CEMIP2: variants seen among roughly 807,000 people sequenced by gnomAD.
The protein encoded by CEMIP2 is cell surface hyaluronidase CEMIP2.
In CEMIP2, 79 loss-of-function variants were observed where a neutral mutation model predicts 146.9. That is an observed-to-expected ratio of 0.54 (90% confidence interval 0.45 to 0.65). The LOEUF (loss-of-function observed/expected upper bound fraction) is 0.65. Among genes scored for constraint, CEMIP2 ranks in the 30% least tolerant of loss-of-function variants. The pLI is 0.00. For synonymous variants in CEMIP2, 601 were observed against 606.3 expected, an observed-to-expected ratio of 0.99 and a Z score of 0.13; for missense variants, 1,596 against 1,696.2, an observed-to-expected ratio of 0.94 and a Z score of 1.04.
chr9:71,699,034 TAAAAAAA>T (rs34810834), intron 19 of CEMIP2, among the ~76,000 whole-genome samples: 1 of 132,860 alleles, frequency 7.5e-6, no homozygotes, highest in African/African-American at 2.8e-5. Context: ...CTGAGAGCAT[TAAAAAAA>T]AAAAAAAAAA....
In CEMIP2 at chr9:71,704,747, C is replaced by T; in HGVS notation, c.3042G>A (p.Glu1014=). 5 of 1,614,150 alleles carry T rather than the reference C, an allele frequency of 3.1e-6. No individual in the cohort carries two copies. Among genetic ancestry groups the T allele is most frequent in the Non-Finnish European group, 4.2e-6 (5 of 1,180,022 alleles). The change falls in exon 18 of 24, where the codon GAG becomes GAA. Residue 1014 remains glutamate (E), a synonymous_variant. Transcript: ENST00000377044. ...GGAGCACCATAGGGTTGGACGGATA[C>T]TCATCTCGTGTAATGGTCATAGAAA... ...QNLSMTITRD[E]YPSNPMVLRG...
At chr9:71,685,540 T>C (rs997978946) in intron 23 of CEMIP2, 147 bp from the exon 24 acceptor site, 24 of 1,057,068 alleles carry the variant, frequency 2.3e-5, no homozygotes, top group Non-Finnish European at 3.0e-5. Flanking sequence ...GCAAATGAAC[T>C]CTCACCACCC....
intron 12 of CEMIP2, among the ~76,000 whole-genome samples, chr9:71,719,596 C>T (rs947864237): frequency 6.6e-6 from 1 of 152,108 alleles, no homozygotes; most frequent in Non-Finnish European, 1.5e-5. Flanking sequence ...GTGTTTCAGA[C>T]AGATGCATGT....
intron 1 of CEMIP2, among the ~76,000 whole-genome samples, chr9:71,756,323 GTA>G (rs1485346341): frequency 6.7e-6 from 1 of 148,440 alleles, no homozygotes; most frequent in Non-Finnish European, 1.5e-5. Context: ...ATGTGCGTGT[GTA>G]TGTGTGTGTG....
intron 6 of CEMIP2, among the ~76,000 whole-genome samples, chr9:71,732,907 A>G (rs1564015828): frequency 1.3e-5 from 2 of 151,826 alleles, no homozygotes; most frequent in Admixed American, 6.6e-5. Flanking sequence ...TGTTCTGCCA[A>G]TTCTCAAACC....
intron 22 of CEMIP2, 124 bp from the exon 23 acceptor site, chr9:71,685,970 G>GA (rs1227155279): frequency 1.4e-6 from 1 of 689,802 alleles, no homozygotes; most frequent in South Asian, 1.9e-5. Flanking sequence ...ACTCCAAAAA[G>GA]AAAAAAGTCT....
intron 1 of CEMIP2, among the ~76,000 whole-genome samples, chr9:71,751,318 A>G (rs1824246829): frequency 6.6e-6 from 1 of 152,184 alleles, no homozygotes; most frequent in South Asian, 2.1e-4. Flanking sequence ...TACATCCCTG[A>G]TCTAATAAAC....
At chr9:71,748,501 CCT>C (rs1323567348) in intron 2 of CEMIP2, among the ~76,000 whole-genome samples, 1 of 152,122 alleles carries the variant, frequency 6.6e-6, no homozygotes, top group African/African-American at 2.4e-5. Context: ...TCAGCAATGC[CCT>C]GTTTTAGATG....
intron 17 of CEMIP2, among the ~76,000 whole-genome samples, chr9:71,707,266 GTTCCT>G (rs1347296492): frequency 1.3e-5 from 2 of 151,992 alleles, no homozygotes; most frequent in Non-Finnish European, 2.9e-5. Context: ...TATAAACCAT[GTTCCT>G]TTCTTCTTTA....
chr9:71,732,223 T>A, intron 7 of CEMIP2, 128 bp downstream of exon 7: 1 of 975,170 alleles, frequency 1.0e-6, no homozygotes, highest in African/African-American at 1.7e-5. Context: ...CTCCTCATTG[T>A]CATTTGAGAA....
chr9:71,747,658 A>T (rs538446292), intron 2 of CEMIP2, among the ~76,000 whole-genome samples: 1 of 152,346 alleles, frequency 6.6e-6, no homozygotes, highest in South Asian at 2.1e-4. Context: ...ATGTTTAGGA[A>T]TAACAAGAGA....
rs113639606 is a variant in CEMIP2 at position 71,706,015 on chromosome 9, G to A, written c.2986-1212C>T. 8.6e-5 allele frequency among the ~76,000 whole-genome samples: 13 copies of A among 151,730 alleles called. 1 individual carries two copies. Among genetic ancestry groups the A allele is most frequent in the Admixed American group, 3.3e-4 (5 of 15,224 alleles). On this transcript the variant is annotated intron_variant, in intron 17 of 23. Coordinates refer to ENST00000377044, the MANE Select transcript of CEMIP2 (RefSeq NM_013390.3). ...AGGCCGAGGCAGGCAGATCCCTGGC[G>A]GTCAGGAGTTCGACACCAGCCTGAC...
intron 12 of CEMIP2, among the ~76,000 whole-genome samples, chr9:71,719,419 G>A (rs1380282053): frequency 6.6e-6 from 1 of 152,202 alleles, no homozygotes; most frequent in African/African-American, 2.4e-5. Context: ...GCTAGGTAAA[G>A]ATCTGGGTCT....
chr9:71,702,361 A>G (rs971362557), intron 18 of CEMIP2, among the ~76,000 whole-genome samples: 6 of 151,024 alleles, frequency 4.0e-5, no homozygotes, highest in African/African-American at 1.2e-4. Context: ...GATAGAAAAG[A>G]TGTTCTATGA....
At chr9:71,700,593 A>G (rs1233437800) in intron 19 of CEMIP2, 49 bp downstream of exon 19, 10 of 1,527,200 alleles carry the variant, frequency 6.5e-6, no homozygotes, top group South Asian at 2.6e-5. Flanking sequence ...CAATTTCACC[A>G]TTAAAGAAAA....
At chr9:71,764,765 G>A (rs62544895) in intron 1 of CEMIP2, among the ~76,000 whole-genome samples, 9,915 of 152,150 alleles carry the variant, frequency 0.065, 471 homozygotes, top group Non-Finnish European at 0.094. Context: ...GAACTAAAGC[G>A]AGTATTGCTA....
chr9:71,729,853 C>T lies in CEMIP2; in HGVS notation c.2041G>A (p.Gly681Ser). Residue 681 changes from glycine to serine, a missense_variant, in exon 10 of 24, where the codon GGC becomes AGC. Gly to Ser is a moderately conservative substitution (Grantham distance 56). Transcript: ENST00000377044. Reference protein sequence around the residue: ...NNNLINNAAAGSQDAGIWYLF... With the variant: ...NNNLINNAAASSQDAGIWYLF... The stretch of plus-strand genomic sequence containing the variant: ...ACTTTAACGTTATTTACCTGTGAGC[C>T]TGCAGCTGCATTATTAATCAGATTA... The T allele has an allele frequency of 1.2e-6, 2 of 1,614,076 alleles. No homozygotes were observed. The highest frequency in any genetic ancestry group is 1.7e-6 in the Non-Finnish European group (2 of 1,179,964).
At chr9:71,765,705 C>T (rs1824770281) in intron 1 of CEMIP2, among the ~76,000 whole-genome samples, 1 of 152,094 alleles carries the variant, frequency 6.6e-6, no homozygotes, top group South Asian at 2.1e-4. Context: ...CTTATTGGAC[C>T]TTCTAATTGT....
In CEMIP2 at chr9:71,750,023, GTGCA is replaced by G; in HGVS notation, c.331+16_331+19del. The G allele has an allele frequency of 6.4e-7, 1 of 1,561,550 alleles. No individual in the cohort carries two copies. Among genetic ancestry groups the G allele is most frequent in the South Asian group, 1.2e-5 (1 of 81,438 alleles). On this transcript the variant is annotated intron_variant, in intron 2 of 23. Transcript: ENST00000377044. ...TTTTGTCTTCTAGAATATGTTCTAT[GTGCA>G]TATACACACACTTACCATCTGGAGC...
Sources: gnomAD v4.1 joint callset for allele counts (sites outside exome capture counted in the v4.1 genomes callset) on GRCh38, gnomAD v4.1.1 for gene constraint, MANE v1.5 for transcripts, NCBI Gene and HGNC (gene_info 2026-07-23, HGNC 2026-07-21) for gene names.